The following EBF2 variants were observed in gnomAD, a reference collection of about 807,000 sequenced individuals.
EBF2 encodes the protein EBF transcription factor 2, also known as transcription factor COE2.
A neutral mutation model predicts 72.8 loss-of-function variants in EBF2; 21 were observed. That is an observed-to-expected ratio of 0.29 (90% CI 0.20 to 0.42). EBF2 has a LOEUF of 0.42. EBF2 is among the 10% of genes least tolerant of loss of function. EBF2 has a pLI of 1.00. For missense variants in EBF2, 637 were observed against 731.2 expected (o/e 0.87, Z 1.49); for synonymous variants, 299 against 274.2 (o/e 1.09, Z -0.89).
intron 10 of EBF2, among the ~76,000 whole-genome samples, chr8:25,874,109 T>C (rs1358962189): frequency 6.6e-6 from 1 of 152,218 alleles, no homozygotes; most frequent in African/African-American, 2.4e-5. Context: ...GAATTGGGTA[T>C]TTTTAACTAA....
intron 6 of EBF2, among the ~76,000 whole-genome samples, chr8:25,983,514 T>A (rs1804396883): frequency 6.6e-6 from 1 of 152,238 alleles, no homozygotes; most frequent in Non-Finnish European, 1.5e-5. Context: ...AATGAGAAAG[T>A]GTCATTCACT....
intron 10 of EBF2, among the ~76,000 whole-genome samples, chr8:25,882,393 T>C (rs550538189): frequency 1.4e-4 from 22 of 152,252 alleles, no homozygotes; most frequent in South Asian, 1.0e-3. Context: ...TTCTATCCAC[T>C]CTCTATCCCA....
At chr8:25,899,084 G>C (rs1164351710) in intron 7 of EBF2, among the ~76,000 whole-genome samples, 1 of 152,108 alleles carries the variant, frequency 6.6e-6, no homozygotes, top group Non-Finnish European at 1.5e-5. Context: ...CAAGATTTCT[G>C]TCATCCTGAT....
chr8:25,981,984 G>C (rs566395131), intron 6 of EBF2, among the ~76,000 whole-genome samples: 1 of 152,060 alleles, frequency 6.6e-6, no homozygotes, highest in Non-Finnish European at 1.5e-5. Context: ...AAGGCTATCT[G>C]GTAGAGTCTA....
chr8:25,877,979 G>A (rs556585937), intron 10 of EBF2, among the ~76,000 whole-genome samples: 9 of 152,288 alleles, frequency 5.9e-5, no homozygotes, highest in African/African-American at 2.2e-4. Flanking sequence ...CTTATGATCA[G>A]CCAAATTAGG....
intron 6 of EBF2, among the ~76,000 whole-genome samples, chr8:25,940,975 ACTT>A (rs1484395600): frequency 6.6e-6 from 1 of 152,194 alleles, no homozygotes; most frequent in Non-Finnish European, 1.5e-5. Flanking sequence ...GTGCCAAACA[ACTT>A]CATCCTAGAG....
At chr8:25,886,209 T>C (rs969593465) in intron 10 of EBF2, among the ~76,000 whole-genome samples, 1 of 152,232 alleles carries the variant, frequency 6.6e-6, no homozygotes, top group Non-Finnish European at 1.5e-5. Context: ...CTTTGCAATA[T>C]ACCGTTGTCT....
chr8:25,970,157 A>C (rs1804168988), intron 6 of EBF2, among the ~76,000 whole-genome samples: 1 of 152,184 alleles, frequency 6.6e-6, no homozygotes, highest in Non-Finnish European at 1.5e-5. Context: ...CCAGAGAGGC[A>C]GTTGCAGAGG....
At chr8:26,017,426 C>A (rs1376615767) in intron 6 of EBF2, among the ~76,000 whole-genome samples, 1 of 152,012 alleles carries the variant, frequency 6.6e-6, no homozygotes, top group East Asian at 1.9e-4. Flanking sequence ...TAAAATAGAC[C>A]ATGAACAAGT....
At chr8:25,847,298 C>T (rs941137162) in intron 15 of EBF2, among the ~76,000 whole-genome samples, 1 of 152,168 alleles carries the variant, frequency 6.6e-6, no homozygotes, top group African/African-American at 2.4e-5. Flanking sequence ...ACATTGTCAC[C>T]CTCCCACTGT....
intron 6 of EBF2, among the ~76,000 whole-genome samples, chr8:25,924,690 G>A (rs1431816250): frequency 1.3e-5 from 2 of 152,160 alleles, no homozygotes; most frequent in Non-Finnish European, 1.5e-5. Flanking sequence ...AGCTTTGTTC[G>A]CAGAGAAAAC....
chr8:25,915,453 C>T (rs568820700), intron 6 of EBF2, among the ~76,000 whole-genome samples: 1 of 152,138 alleles, frequency 6.6e-6, no homozygotes, highest in South Asian at 2.1e-4. Context: ...GTCTACCATT[C>T]CTATCAGGGA....
At chr8:26,042,043 T>A (rs1210621542) in intron 2 of EBF2, 52 bp downstream of exon 2, 2 of 1,593,168 alleles carry the variant, frequency 1.3e-6, no homozygotes, top group Non-Finnish European at 1.7e-6. Flanking sequence ...CTTTAGTGCT[T>A]CGCAAGAGGG....
chr8:25,991,598 C>T (rs1804546048), intron 6 of EBF2, among the ~76,000 whole-genome samples: 1 of 152,162 alleles, frequency 6.6e-6, no homozygotes, highest in African/African-American at 2.4e-5. Flanking sequence ...GTAACCTCAG[C>T]ACTTTGGGAG....
intron 6 of EBF2, among the ~76,000 whole-genome samples, chr8:26,022,775 A>C (rs1210501663): frequency 6.6e-6 from 1 of 152,148 alleles, no homozygotes; most frequent in Admixed American, 6.5e-5. Flanking sequence ...AACTTCTTGG[A>C]GGACAACCAT....
chr8:25,845,585 A>G (rs747751962), intron 15 of EBF2, among the ~76,000 whole-genome samples: 12 of 152,166 alleles, frequency 7.9e-5, no homozygotes, highest in South Asian at 4.1e-4. Flanking sequence ...TTCTCCCTTC[A>G]TCGGGTCAAA....
chr8:26,043,235 G>A (rs1805637700), intron 1 of EBF2, among the ~76,000 whole-genome samples: 1 of 152,250 alleles, frequency 6.6e-6, no homozygotes, highest in Non-Finnish European at 1.5e-5. Context: ...TGGGGCTGAG[G>A]TGAACGCACA....
chr8:26,005,579 G>GAGAGAGAGAGAGAGAGA (rs71216409), intron 6 of EBF2, among the ~76,000 whole-genome samples: 5 of 63,798 alleles, frequency 7.8e-5, no homozygotes, highest in Middle Eastern at 8.1e-3. Context: ...GAGAGAGAGA[G>GAGAGAGAGAGAGAGAGA]GTATTTTGGG....
intron 6 of EBF2, among the ~76,000 whole-genome samples, chr8:25,955,671 A>C (rs1270037107): frequency 6.6e-6 from 1 of 152,176 alleles, no homozygotes; most frequent in Non-Finnish European, 1.5e-5. Context: ...AAAAGGAGAG[A>C]GCTTGGGGAG....
Sources: gnomAD v4.1 joint callset for allele counts (sites outside exome capture counted in the v4.1 genomes callset) on GRCh38, gnomAD v4.1.1 for gene constraint, MANE v1.5 for transcripts, NCBI Gene and HGNC (gene_info 2026-07-23, HGNC 2026-07-21) for gene names.